ASTN1: variants seen among roughly 807,000 people sequenced by gnomAD.
The protein encoded by ASTN1 is astrotactin 1.
Under a neutral mutation model 140.7 loss-of-function variants are expected in ASTN1, and 41 were observed. The ratio of observed to expected loss-of-function variants is 0.29; its 90% confidence interval spans 0.23 to 0.38. The LOEUF is 0.38. Among genes scored for constraint, ASTN1 ranks in the 10% least tolerant of loss-of-function variants. The pLI is 1.00. For synonymous variants in ASTN1, 640 were observed against 652.2 expected, an observed-to-expected ratio of 0.98 and a Z score of 0.29; for missense variants, 1,479 against 1,678.8, an observed-to-expected ratio of 0.88 and a Z score of 2.08.
chr1:177,007,023 C>T (rs868300788), intron 8 of ASTN1, among the ~76,000 whole-genome samples: 6 of 152,314 alleles, frequency 3.9e-5, no homozygotes, highest in Admixed American at 6.5e-5. Flanking sequence ...CAACACCCAG[C>T]GGTTACTATG....
At chr1:177,119,133 C>T (rs1024149050) in intron 1 of ASTN1, among the ~76,000 whole-genome samples, 3 of 152,174 alleles carry the variant, frequency 2.0e-5, no homozygotes, top group African/African-American at 7.2e-5. Context: ...ATCCACTCAT[C>T]TCATGGCATG....
chr1:176,909,539 G>A (rs1210290568), intron 16 of ASTN1, among the ~76,000 whole-genome samples: 2 of 152,140 alleles, frequency 1.3e-5, no homozygotes, highest in East Asian at 1.9e-4. Flanking sequence ...AAATAAAAAT[G>A]CAAAACTAGC....
chr1:177,023,270 A>G (rs1675918792), intron 7 of ASTN1, 134 bp downstream of exon 7: 2 of 1,121,410 alleles, frequency 1.8e-6, no homozygotes, highest in East Asian at 2.9e-5. Context: ...AACCACATGC[A>G]GGCAGTCCGC....
intron 17 of ASTN1, among the ~76,000 whole-genome samples, chr1:176,890,013 T>C (rs1310991668): frequency 6.6e-6 from 1 of 152,234 alleles, no homozygotes; most frequent in African/African-American, 2.4e-5. Flanking sequence ...AAGGCAACAT[T>C]GTGACTACTG....
chr1:176,921,255 A>T (rs1241200276), intron 16 of ASTN1, among the ~76,000 whole-genome samples: 1 of 152,138 alleles, frequency 6.6e-6, no homozygotes, highest in Non-Finnish European at 1.5e-5. Context: ...CTATTAATTG[A>T]ACCAACTTTC....
intron 1 of ASTN1, among the ~76,000 whole-genome samples, chr1:177,157,410 G>A (rs1683287477): frequency 6.6e-6 from 1 of 152,046 alleles, no homozygotes; most frequent in African/African-American, 2.4e-5. Context: ...CGCCTCCTGG[G>A]CTCAAGCCAT....
intron 11 of ASTN1, among the ~76,000 whole-genome samples, chr1:176,954,154 T>C (rs189942053): frequency 4.6e-5 from 7 of 152,256 alleles, no homozygotes; most frequent in African/African-American, 1.4e-4. Context: ...CCTAGAAACC[T>C]GTGAAGATAT....
Position 176,861,903 on chromosome 1 carries a change from A to G in ASTN1, c.*2381T>C. ...TAAAATAAAAACAGAAGGAGAGGGT[A>G]CAGAGGAGTGACTCTGATACCTGCT... is the stretch of plus-strand genomic sequence containing the variant. On this transcript the variant is annotated 3_prime_UTR_variant, in exon 23 of 23. Coordinates refer to ENST00000361833, the MANE Select transcript of ASTN1 (RefSeq NM_004319.3). 4.1e-6 allele frequency: 4 copies of G among 985,404 alleles called. No homozygotes were observed. The African/African-American group carries it at 5.2e-5, about 13-fold the overall frequency. The allele number at this position is 985,404 out of a possible 1,614,324, so 61.0% of individuals were successfully genotyped here. A position where few individuals can be genotyped will look rare whatever the true frequency, so the allele number is the denominator to read the frequency against.
intron 1 of ASTN1, among the ~76,000 whole-genome samples, chr1:177,132,135 A>G (rs1291330821): frequency 1.3e-5 from 2 of 152,142 alleles, no homozygotes; most frequent in Admixed American, 6.5e-5. Flanking sequence ...CTTTCCTATC[A>G]TTTCTAAAAC....
intron 1 of ASTN1, among the ~76,000 whole-genome samples, chr1:177,077,485 T>G (rs1571749517): frequency 6.6e-6 from 1 of 152,320 alleles, no homozygotes; most frequent in East Asian, 1.9e-4. Flanking sequence ...ATAAGGATTA[T>G]AACATTTACT....
Position 177,089,050 on chromosome 1 carries a change from A to G in ASTN1, c.284-27785T>C, listed in dbSNP as rs79246046. 2.2e-4 allele frequency among the ~76,000 whole-genome samples: 34 copies of G among 152,292 alleles called. No individual in the cohort carries two copies. The East Asian group carries it at 4.6e-3, about 21-fold the overall frequency. On this transcript the variant is annotated intron_variant, in intron 1 of 22. Transcript: ENST00000361833. ...CACTCCTCCCCTTTATGAGCAGGAC[A>G]ATGGCAGACAAAGGTGGTGAGCAAG...
intron 8 of ASTN1, among the ~76,000 whole-genome samples, chr1:176,996,310 CAG>C (rs139189448): frequency 8.7e-5 from 11 of 126,490 alleles, no homozygotes; most frequent in East Asian, 2.0e-4. Flanking sequence ...CACACACACA[CAG>C]AGAGAGAGAG....
chr1:176,870,140 TC>T (rs1352741108), intron 21 of ASTN1, among the ~76,000 whole-genome samples: 1 of 152,274 alleles, frequency 6.6e-6, no homozygotes, highest in Non-Finnish European at 1.5e-5. Context: ...TTAAATATTT[TC>T]TCTTTTAATT....
chr1:176,868,679 A>G (rs1050414860), intron 22 of ASTN1, 165 bp downstream of exon 22: 1 of 679,748 alleles, frequency 1.5e-6, no homozygotes, highest in African/African-American at 1.8e-5. Flanking sequence ...AGCTTATCCA[A>G]AACTAATCTG....
intron 4 of ASTN1, 55 bp from the exon 5 acceptor site, chr1:177,029,796 C>A: frequency 6.7e-7 from 1 of 1,497,462 alleles, no homozygotes; most frequent in Non-Finnish European, 9.1e-7. Flanking sequence ...TTTCATGACA[C>A]CAAACCTTTG....
intron 8 of ASTN1, among the ~76,000 whole-genome samples, chr1:176,998,288 A>G (rs992387706): frequency 1.3e-5 from 2 of 152,206 alleles, no homozygotes; most frequent in Non-Finnish European, 2.9e-5. Context: ...CATGGAAAGC[A>G]CTCAATAAAT....
intron 1 of ASTN1, among the ~76,000 whole-genome samples, chr1:177,112,294 TAA>T (rs1481499211): frequency 1.3e-5 from 2 of 152,320 alleles, no homozygotes; most frequent in South Asian, 4.1e-4. Flanking sequence ...GGCTTTTGTG[TAA>T]AGAGTCCTTC....
chr1:176,957,962 T>A, intron 10 of ASTN1, 134 bp from the exon 11 acceptor site: 1 of 1,173,906 alleles, frequency 8.5e-7, no homozygotes, highest in Non-Finnish European at 1.2e-6. Context: ...GAAGATCAAC[T>A]ATACTCCAAG....
At chr1:176,962,738 C>T (rs1557994367) in intron 9 of ASTN1, among the ~76,000 whole-genome samples, 1 of 152,160 alleles carries the variant, frequency 6.6e-6, no homozygotes, top group Non-Finnish European at 1.5e-5. Flanking sequence ...GCCCTCGCCA[C>T]ACCTTCCAGA....
Sources: gnomAD v4.1 joint callset for allele counts (sites outside exome capture counted in the v4.1 genomes callset) on GRCh38, gnomAD v4.1.1 for gene constraint, MANE v1.5 for transcripts, NCBI Gene and HGNC (gene_info 2026-07-23, HGNC 2026-07-21) for gene names.